CAPZB: variants seen among roughly 807,000 people sequenced by gnomAD.
The protein encoded by CAPZB is capping actin protein of muscle Z-line subunit beta, also known as F-actin-capping protein subunit beta.
A neutral mutation model predicts 38.1 loss-of-function variants in CAPZB; 2 were observed. The ratio of observed to expected loss-of-function variants is 0.05; its 90% CI spans 0.02 to 0.17. The LOEUF (loss-of-function observed/expected upper bound fraction) is 0.17, where lower values mean the gene tolerates loss of function less well. Among genes scored for constraint, CAPZB ranks in the 10% least tolerant of loss-of-function variants. The pLI, the probability that CAPZB is intolerant of heterozygous loss-of-function variation, is 1.00. For missense variants in CAPZB, 161 were observed against 334.2 expected (o/e 0.48, Z 4.04); for synonymous variants, 107 against 127.4 (o/e 0.84, Z 1.08).
chr1:19,447,386 A>ATT (rs61113781), intron 1 of CAPZB, among the ~76,000 whole-genome samples: 1 of 115,226 alleles, frequency 8.7e-6, no homozygotes, highest in African/African-American at 3.3e-5. Flanking sequence ...CATCCAGCTA[A>ATT]TTTTTTTTTT....
intron 2 of CAPZB, among the ~76,000 whole-genome samples, chr1:19,412,366 C>T (rs114944448): frequency 7.5e-4 from 114 of 152,240 alleles, no homozygotes; most frequent in African/African-American, 2.5e-3. Context: ...CATAAACCCA[C>T]GGGGAACTCT....
Position 19,417,583 on chromosome 1 carries a change from T to A in CAPZB, c.93+2078A>T, listed in dbSNP as rs889143756. On this transcript the variant is annotated intron_variant, in intron 2 of 8. Transcript: ENST00000264202. ...ATGAGAGTTTAAATATGGCTGCGCA[T>A]GAGGCACTGCATACAAGTTCAGCCG... Among the ~76,000 whole-genome samples the A allele has an allele frequency of 5.3e-5, 8 of 152,310 alleles. No individual in the cohort carries two copies. The East Asian group carries it at 1.4e-3, about 26-fold the overall frequency.
At chr1:19,340,818 A>C (rs1330691838) in intron 8 of CAPZB, among the ~76,000 whole-genome samples, 1 of 152,210 alleles carries the variant, frequency 6.6e-6, no homozygotes, top group Non-Finnish European at 1.5e-5. Flanking sequence ...TGGTTAGGCA[A>C]AGACTTCCTA....
At chr1:19,365,535 A>G (rs566261337) in intron 4 of CAPZB, among the ~76,000 whole-genome samples, 1 of 152,276 alleles carries the variant, frequency 6.6e-6, no homozygotes, top group South Asian at 2.1e-4. Context: ...GAGTCAGTAT[A>G]AAGATGGAAA....
chr1:19,418,223 C>T (rs1343096007), intron 2 of CAPZB, among the ~76,000 whole-genome samples: 2 of 150,132 alleles, frequency 1.3e-5, no homozygotes, highest in African/African-American at 4.9e-5. Context: ...TATGGCTCCT[C>T]TAGAAAAATG....
In CAPZB at chr1:19,381,684, ATTTTTTTT is replaced by A. The variant is rs869210528; in HGVS notation, c.216-3039_216-3032del. Among the ~76,000 whole-genome samples, 77 of 84,536 alleles carry A rather than the reference ATTTTTTTT, an allele frequency of 9.1e-4. 1 individual carries two copies. Among genetic ancestry groups the A allele is most frequent in the Middle Eastern group, 8.2e-3 (1 of 122 alleles). 55.5% of individuals were successfully genotyped at this position (84,536 alleles called of 152,430 possible). The stretch of plus-strand genomic sequence containing the variant: ...AGGCATGTACCACCATGCCCAGCTA[ATTTTTTTT>A]TTTTTTTTTTTTTTTTTTGAGACAG... On this transcript the variant is annotated intron_variant, in intron 3 of 8. Coordinates refer to ENST00000264202, the MANE Select transcript of CAPZB (RefSeq NM_004930.5).
At chr1:19,346,248 GAAAT>G (rs1034623089) in intron 6 of CAPZB, among the ~76,000 whole-genome samples, 29 of 152,116 alleles carry the variant, frequency 1.9e-4, no homozygotes, top group Middle Eastern at 3.4e-3. Context: ...TGTGGAAGCT[GAAAT>G]AAATAATCAA....
In CAPZB at chr1:19,441,841, C is replaced by T. The variant is rs181478170; in HGVS notation, c.4-22091G>A. On this transcript the variant is annotated intron_variant, in intron 1 of 8. Coordinates refer to ENST00000264202, the MANE Select transcript of CAPZB (RefSeq NM_004930.5). Reference sequence around the variant, plus strand: ...TGGCAAACATGGCAAAACCCCATCTCTACCAAAAGTACAAAAATTAGCTGG... The same window carrying T: ...TGGCAAACATGGCAAAACCCCATCTTTACCAAAAGTACAAAAATTAGCTGG... Among the ~76,000 whole-genome samples, 990 of 152,146 alleles carry T rather than the reference C, an allele frequency of 6.5e-3. 8 individuals are homozygous for T. Among genetic ancestry groups the T allele is most frequent in the South Asian group, 0.014 (68 of 4,812 alleles).
At chr1:19,433,453 C>T (rs1317215343) in intron 1 of CAPZB, among the ~76,000 whole-genome samples, 3 of 152,142 alleles carry the variant, frequency 2.0e-5, no homozygotes, top group African/African-American at 7.2e-5. Flanking sequence ...TTCACATAAA[C>T]CAAACAGATT....
chr1:19,473,532 G>A (rs7543701), intron 1 of CAPZB, among the ~76,000 whole-genome samples: 151,808 of 152,322 alleles, frequency 1, 75,648 homozygotes, highest in Middle Eastern at 1. Context: ...GATCACTATT[G>A]CTTGCATTTT....
chr1:19,466,034 G>T (rs2094568010), intron 1 of CAPZB, among the ~76,000 whole-genome samples: 1 of 152,132 alleles, frequency 6.6e-6, no homozygotes, highest in Non-Finnish European at 1.5e-5. Flanking sequence ...AGGGAACAAA[G>T]ATTTAAACCC....
chr1:19,349,985 A>T (rs1007818764), intron 6 of CAPZB, among the ~76,000 whole-genome samples: 5 of 152,232 alleles, frequency 3.3e-5, no homozygotes, highest in African/African-American at 1.2e-4. Flanking sequence ...CCGGAAGGAA[A>T]ACATTTTCAT....
intron 1 of CAPZB, among the ~76,000 whole-genome samples, chr1:19,442,623 C>T (rs2094481573): frequency 6.6e-6 from 1 of 152,164 alleles, no homozygotes; most frequent in Non-Finnish European, 1.5e-5. Context: ...CACTCGCACT[C>T]GGTCCAGGAA....
chr1:19,381,917 C>T (rs2094177117), intron 3 of CAPZB, among the ~76,000 whole-genome samples: 1 of 152,140 alleles, frequency 6.6e-6, no homozygotes. Flanking sequence ...CATGATTTAT[C>T]TATAAACAAG....
intron 1 of CAPZB, among the ~76,000 whole-genome samples, chr1:19,438,723 C>T (rs541688753): frequency 1.2e-4 from 18 of 152,192 alleles, no homozygotes; most frequent in Non-Finnish European, 1.9e-4. Flanking sequence ...AGAGGACACA[C>T]GAGGCCACAT....
At chr1:19,450,144 CAAAAAAAAAA>C (rs71008167) in intron 1 of CAPZB, among the ~76,000 whole-genome samples, 1,910 of 35,446 alleles carry the variant, frequency 0.054, 24 homozygotes, top group Middle Eastern at 0.11. Context: ...ACCCTGTCTC[CAAAAAAAAAA>C]AAAAAAAAAA....
chr1:19,462,124 C>T (rs1230787996), intron 1 of CAPZB, among the ~76,000 whole-genome samples: 1 of 151,738 alleles, frequency 6.6e-6, no homozygotes, highest in Non-Finnish European at 1.5e-5. Flanking sequence ...AGCCACTGCA[C>T]TCCAGCCTGG....
At chr1:19,427,081 T>C (rs987694269) in intron 1 of CAPZB, among the ~76,000 whole-genome samples, 1 of 152,226 alleles carries the variant, frequency 6.6e-6, no homozygotes, top group Non-Finnish European at 1.5e-5. Context: ...CTACGTTTCC[T>C]AGCTGGGGCC....
chr1:19,349,148 T>C (rs1186400366), intron 6 of CAPZB, among the ~76,000 whole-genome samples: 1 of 151,978 alleles, frequency 6.6e-6, no homozygotes, highest in Non-Finnish European at 1.5e-5. Flanking sequence ...GACGACGGGG[T>C]GGGCTGTCTG....
Sources: allele counts gnomAD v4.1 joint callset (sites outside exome capture counted in the v4.1 genomes callset), GRCh38; gene constraint gnomAD v4.1.1; transcripts MANE v1.5; gene names NCBI Gene and HGNC (gene_info 2026-07-23, HGNC 2026-07-21).